Variants in AKAP13 observed in about 807,000 individuals in gnomAD.
AKAP13 encodes A-kinase anchor protein 13.
AKAP13 carries 80 observed loss-of-function variants against 264.5 expected under a neutral mutation model. The ratio of observed to expected loss-of-function variants is 0.30; its 90% CI spans 0.25 to 0.36. The LOEUF (loss-of-function observed/expected upper bound fraction) is 0.36, where lower values mean the gene tolerates loss of function less well. AKAP13 is among the 10% of genes least tolerant of loss of function. The pLI, the probability that AKAP13 is intolerant of heterozygous loss-of-function variation, is 1.00. For synonymous variants in AKAP13, 1,380 were observed against 1,250.2 expected (o/e 1.10, Z -2.19); for missense variants, 3,712 against 3,435.2 (o/e 1.08, Z -2.01).
chr15:85,693,503 A>G (rs1304558583), intron 17 of AKAP13, 52 bp downstream of exon 17: 3 of 1,589,264 alleles, frequency 1.9e-6, no homozygotes, highest in East Asian at 4.5e-5. Flanking sequence ...TGGCTCAAGA[A>G]AGCTCATTTC....
At chr15:85,734,142 C>T (rs1567220836) in intron 30 of AKAP13, among the ~76,000 whole-genome samples, 1 of 151,982 alleles carries the variant, frequency 6.6e-6, no homozygotes, top group African/African-American at 2.4e-5. Flanking sequence ...TGTCTTTTGT[C>T]ATTTTCTTAA....
chr15:85,570,618 G>T (rs1455459300), intron 5 of AKAP13, among the ~76,000 whole-genome samples: 1 of 152,230 alleles, frequency 6.6e-6, no homozygotes, highest in Non-Finnish European at 1.5e-5. Flanking sequence ...GCACTACCGA[G>T]TTTGGGCCTG....
chr15:85,487,172 G>A (rs140589823), intron 2 of AKAP13, among the ~76,000 whole-genome samples: 1,805 of 152,290 alleles, frequency 0.012, 11 homozygotes, highest in Middle Eastern at 0.02. Context: ...TTTTTAAGTG[G>A]ATGCCTTAGG....
At position 85,458,386 on chromosome 15, in the gene AKAP13, G is replaced by GTTTTTT. The variant is rs1160050565; in HGVS notation, c.-11-27323_-11-27318dup. On this transcript the variant is annotated intron_variant, in intron 1 of 36. Transcript: ENST00000394518. The stretch of plus-strand genomic sequence containing the variant: ...TTTTTTCTCTTTTTTTGTATTTTTT[G>GTTTTTT]TTTTTTGTTTTTTTTTTTTTTTACT... Among the ~76,000 whole-genome samples the GTTTTTT allele has an allele frequency of 2.7e-3, 284 of 103,740 alleles. 11 individuals are homozygous for GTTTTTT. Among genetic ancestry groups the GTTTTTT allele is most frequent in the African/African-American group, 0.013 (258 of 19,428 alleles). The allele number at this position is 103,740 out of a possible 152,430, so 68.1% of individuals were successfully genotyped here.
At chr15:85,427,724 C>G (rs1034889175) in intron 1 of AKAP13, among the ~76,000 whole-genome samples, 2 of 152,108 alleles carry the variant, frequency 1.3e-5, no homozygotes, top group African/African-American at 4.8e-5. Context: ...GTCTACAAAA[C>G]CAGTTATGGA....
At chr15:85,541,859 A>T (rs1309468717) in intron 4 of AKAP13, among the ~76,000 whole-genome samples, 2 of 152,202 alleles carry the variant, frequency 1.3e-5, no homozygotes, top group African/African-American at 4.8e-5. Flanking sequence ...AGTTGCTAAG[A>T]CTTTCAGAAA....
intron 1 of AKAP13, among the ~76,000 whole-genome samples, chr15:85,395,424 G>T (rs1383143077): frequency 6.6e-6 from 1 of 152,036 alleles, no homozygotes; most frequent in African/African-American, 2.4e-5. Flanking sequence ...ATACACCCAG[G>T]TTTAAACTTA....
chr15:85,478,890 A>G (rs1002503453), intron 1 of AKAP13, among the ~76,000 whole-genome samples: 1 of 152,104 alleles, frequency 6.6e-6, no homozygotes, highest in Non-Finnish European at 1.5e-5. Flanking sequence ...AAGGATCACC[A>G]GATTTGGTCT....
intron 35 of AKAP13, among the ~76,000 whole-genome samples, 159 bp downstream of exon 35, chr15:85,741,654 T>C (rs2088973358): frequency 7.1e-6 from 1 of 141,316 alleles, no homozygotes; most frequent in Non-Finnish European, 1.5e-5. Context: ...GGTGAGAGGG[T>C]AGCTTGACCA....
chr15:85,742,139 A>G (rs1010473258), intron 35 of AKAP13, among the ~76,000 whole-genome samples: 2 of 152,242 alleles, frequency 1.3e-5, no homozygotes, highest in African/African-American at 2.4e-5. Flanking sequence ...GAGGCTGAAA[A>G]AGAGAATGGA....
chr15:85,608,039 A>G (rs1270229976), intron 8 of AKAP13, among the ~76,000 whole-genome samples: 1 of 152,226 alleles, frequency 6.6e-6, no homozygotes, highest in African/African-American at 2.4e-5. Flanking sequence ...GCATGACTGT[A>G]CAATGGTGTA....
chr15:85,433,658 A>G (rs1043140163), intron 1 of AKAP13, among the ~76,000 whole-genome samples: 1 of 152,088 alleles, frequency 6.6e-6, no homozygotes, highest in African/African-American at 2.4e-5. Flanking sequence ...GTATGGTTTC[A>G]TTAAAACCAG....
intron 17 of AKAP13, chr15:85,702,236 GACTC>G (rs1345061668): frequency 5.3e-5 from 6 of 113,088 alleles, no homozygotes; most frequent in Non-Finnish European, 9.6e-5. Flanking sequence ...GACAGAGCAA[GACTC>G]ACACACACAC....
At chr15:85,602,993 G>C (rs2080160251) in intron 8 of AKAP13, among the ~76,000 whole-genome samples, 1 of 152,212 alleles carries the variant, frequency 6.6e-6, no homozygotes, top group Admixed American at 6.5e-5. Flanking sequence ...CAAACTCATA[G>C]TGACGACTAC....
At chr15:85,437,435 A>G (rs2073364044) in intron 1 of AKAP13, among the ~76,000 whole-genome samples, 1 of 152,096 alleles carries the variant, frequency 6.6e-6, no homozygotes, top group South Asian at 2.1e-4. Flanking sequence ...ATTCCAATCA[A>G]TAGAAAAAGA....
At chr15:85,647,170 G>T (rs571296674) in intron 10 of AKAP13, among the ~76,000 whole-genome samples, 1 of 152,244 alleles carries the variant, frequency 6.6e-6, no homozygotes, top group Non-Finnish European at 1.5e-5. Flanking sequence ...AGGCCAAGGC[G>T]GGTAGATCAC....
Position 85,669,815 on chromosome 15 carries a change from C to G in AKAP13, c.5086C>G (p.His1696Asp). 6.2e-7 allele frequency: 1 copy of G among 1,608,058 alleles called. No individual in the cohort carries two copies. Among genetic ancestry groups the G allele is most frequent in the Non-Finnish European group, 8.5e-7 (1 of 1,174,684 alleles). Residue 1696 changes from histidine to aspartate, a missense_variant, in exon 14 of 37, where the codon CAT (histidine) becomes GAT (aspartate). His to Asp is a moderately conservative substitution (Grantham distance 81). Coordinates refer to ENST00000394518, the MANE Select transcript of AKAP13 (RefSeq NM_007200.5). ...ATCCATCTCATTAATGACAATCAGC[C>G]ATCCTGGATTGGACAGTGAGTATAC... The part of the protein sequence containing the change: ...TKSISLMTIS[H>D]PGLDNSRPFH...
chr15:85,647,877 G>C (rs949206793), intron 10 of AKAP13, among the ~76,000 whole-genome samples: 10 of 152,042 alleles, frequency 6.6e-5, no homozygotes, highest in African/African-American at 2.4e-4. Flanking sequence ...GCAGTGAGCC[G>C]AGATTGTGCC....
At chr15:85,504,523 A>C (rs867201982) in intron 2 of AKAP13, among the ~76,000 whole-genome samples, 32,187 of 137,552 alleles carry the variant, frequency 0.23, 5,332 homozygotes, top group Middle Eastern at 0.39. Flanking sequence ...AAAAAAAAAA[A>C]AAAAAAAAAA....
Sources: allele counts gnomAD v4.1 joint callset (sites outside exome capture counted in the v4.1 genomes callset), GRCh38; gene constraint gnomAD v4.1.1; transcripts MANE v1.5; gene names NCBI Gene and HGNC (gene_info 2026-07-23, HGNC 2026-07-21).